Variants in LRRC7 observed in about 807,000 individuals in gnomAD.
LRRC7 encodes the protein leucine-rich repeat-containing protein 7.
LRRC7 carries 23 observed loss-of-function variants against 175.7 expected under a neutral mutation model. That is an observed-to-expected ratio of 0.13 (90% CI 0.09 to 0.19). The LOEUF is 0.19. Ranked by LOEUF, LRRC7 falls within the 10% of genes least tolerant of loss-of-function variation. The pLI, the probability that LRRC7 is intolerant of heterozygous loss-of-function variation, is 1.00. For missense variants in LRRC7, 1,354 were observed against 1,904.7 expected (o/e 0.71, Z 5.38); for synonymous variants, 685 against 680.9 (o/e 1.01, Z -0.09).
chr1:69,886,883 G>A (rs1645646354), intron 7 of LRRC7, among the ~76,000 whole-genome samples: 1 of 151,460 alleles, frequency 6.6e-6, no homozygotes, highest in African/African-American at 2.4e-5. Flanking sequence ...ATGAAGCTTA[G>A]TTTGGCTGGA....
At chr1:69,652,967 A>T (rs566187950) in intron 1 of LRRC7, among the ~76,000 whole-genome samples, 95 of 152,260 alleles carry the variant, frequency 6.2e-4, no homozygotes, top group African/African-American at 2.1e-3. Flanking sequence ...TAAAAATTTA[A>T]AGATAAGATG....
rs946642552 is a variant in LRRC7, at chr1:69,909,410, G to A, written c.648-22097G>A. ...GCATGTTTTTGCAGTGGCTGGTACC[G>A]GTTGTTCCTTTCCATGTTTAGTGCT... On this transcript the variant is annotated intron_variant, in intron 7 of 26. Transcript: ENST00000651989. Among the ~76,000 whole-genome samples the A allele has an allele frequency of 8.8e-4, 134 of 152,234 alleles. 1 individual carries two copies. The highest frequency in any genetic ancestry group is 5.1e-4 in the Non-Finnish European group (35 of 68,014).
intron 8 of LRRC7, among the ~76,000 whole-genome samples, chr1:69,949,345 G>T (rs1296403050): frequency 3.3e-5 from 5 of 152,072 alleles, no homozygotes; most frequent in African/African-American, 1.2e-4. Context: ...GCCTAGGCAG[G>T]CAGATCACCT....
At chr1:69,597,165 A>C (rs1330061612) in intron 1 of LRRC7, among the ~76,000 whole-genome samples, 1 of 152,160 alleles carries the variant, frequency 6.6e-6, no homozygotes, top group Non-Finnish European at 1.5e-5. Context: ...TATGACATTT[A>C]CTTTTAGGTT....
chr1:70,066,057 G>T (rs1661948772), intron 23 of LRRC7, among the ~76,000 whole-genome samples: 1 of 151,956 alleles, frequency 6.6e-6, no homozygotes, highest in Middle Eastern at 3.2e-3. Flanking sequence ...AAAGCAAGTT[G>T]TTACTGATTG....
chr1:69,954,822 A>G lies in LRRC7; in HGVS notation c.711+23252A>G, dbSNP rs542062764. Among the ~76,000 whole-genome samples the G allele has an allele frequency of 3.9e-5, 6 of 152,164 alleles. No individual in the cohort carries two copies. In the East Asian group the frequency reaches 1.2e-3, roughly 29 times the overall value. On this transcript the variant is annotated intron_variant, in intron 8 of 26. Coordinates refer to ENST00000651989, the MANE Select transcript of LRRC7 (RefSeq NM_001370785.2). Reference sequence around the variant, plus strand: ...CTGTCTTATGACATTGTCAGCACCAACCTATACATTTATAATTAATTCACT... The same window carrying G: ...CTGTCTTATGACATTGTCAGCACCAGCCTATACATTTATAATTAATTCACT...
chr1:69,569,099 G>A (rs1477633539), intron 1 of LRRC7, among the ~76,000 whole-genome samples: 1 of 151,952 alleles, frequency 6.6e-6, no homozygotes, highest in East Asian at 1.9e-4. Flanking sequence ...ACACACTTGT[G>A]GCAGGACGCA....
chr1:69,755,470 T>C (rs895761085), intron 2 of LRRC7, among the ~76,000 whole-genome samples: 8 of 147,084 alleles, frequency 5.4e-5, no homozygotes, highest in African/African-American at 2.0e-4. Flanking sequence ...ATAATAAACT[T>C]CAGAAATTTT....
At chr1:70,013,600 G>A (rs913309141) in intron 13 of LRRC7, among the ~76,000 whole-genome samples, 1 of 151,886 alleles carries the variant, frequency 6.6e-6, no homozygotes, top group Non-Finnish European at 1.5e-5. Flanking sequence ...ATGAGGAAAG[G>A]ATAGGTCCTT....
chr1:69,931,605 C>A, intron 8 of LRRC7, 35 bp downstream of exon 8: 1 of 1,501,606 alleles, frequency 6.7e-7, no homozygotes, highest in Non-Finnish European at 9.3e-7. Context: ...TGATAAATAC[C>A]CTTCAGGAGA....
intron 24 of LRRC7, among the ~76,000 whole-genome samples, chr1:70,081,680 C>T (rs1663222413): frequency 6.6e-6 from 1 of 152,162 alleles, no homozygotes; most frequent in Admixed American, 6.6e-5. Context: ...TAGCCAAGCA[C>T]ACAAGTCAAG....
chr1:69,684,519 A>T (rs529577340), intron 2 of LRRC7, among the ~76,000 whole-genome samples: 1 of 152,172 alleles, frequency 6.6e-6, no homozygotes, highest in Non-Finnish European at 1.5e-5. Flanking sequence ...ACCTTTCCTG[A>T]TACTCAATTC....
chr1:70,038,251 C>T lies in LRRC7; in HGVS notation c.2427C>T (p.Gly809=). 1 of 1,614,166 alleles carries T rather than the reference C, an allele frequency of 6.2e-7. No individual in the cohort carries two copies. The highest frequency in any genetic ancestry group is 8.5e-7 in the Non-Finnish European group (1 of 1,180,016). Residue 809 remains glycine, a synonymous_variant, in exon 21 of 27, where the codon GGC becomes GGT. Coordinates refer to ENST00000651989, the MANE Select transcript of LRRC7 (RefSeq NM_001370785.2). ...SDTFTDNWTD[G]SHYDNTGFVA... is the part of the protein sequence containing the mutation. ...CTTTCACTGACAACTGGACTGATGGCTCGCATTATGACAACACAGGGTTTG... is the reference window on the plus strand; with the variant it reads ...CTTTCACTGACAACTGGACTGATGGTTCGCATTATGACAACACAGGGTTTG...
chr1:69,617,181 G>A (rs1269751780), intron 1 of LRRC7, among the ~76,000 whole-genome samples: 2 of 152,080 alleles, frequency 1.3e-5, no homozygotes, highest in Admixed American at 1.3e-4. Flanking sequence ...ACTCACAGCT[G>A]TGATAATTGA....
intron 7 of LRRC7, among the ~76,000 whole-genome samples, chr1:69,900,842 G>A (rs979194709): frequency 6.6e-6 from 1 of 152,094 alleles, no homozygotes; most frequent in Admixed American, 6.5e-5. Context: ...TATTTAAAAT[G>A]GCTAGCTTTA....
chr1:69,994,079 A>G (rs1022542996), intron 10 of LRRC7, among the ~76,000 whole-genome samples: 12 of 152,196 alleles, frequency 7.9e-5, no homozygotes, highest in East Asian at 1.9e-4. Flanking sequence ...GTAAATTTCC[A>G]AGAACATAAT....
At chr1:69,593,216 A>C (rs2100965914) in intron 1 of LRRC7, among the ~76,000 whole-genome samples, 1 of 152,262 alleles carries the variant, frequency 6.6e-6, no homozygotes, top group East Asian at 1.9e-4. Flanking sequence ...TTGAATTATT[A>C]AGAAATCTCA....
At chr1:69,733,273 T>C (rs765609920) in intron 2 of LRRC7, among the ~76,000 whole-genome samples, 1 of 152,062 alleles carries the variant, frequency 6.6e-6, no homozygotes, top group Non-Finnish European at 1.5e-5. Flanking sequence ...TGATACTTGA[T>C]GTTCCCTGTT....
intron 1 of LRRC7, among the ~76,000 whole-genome samples, chr1:69,637,332 AT>A (rs1437393684): frequency 6.6e-6 from 1 of 151,914 alleles, no homozygotes; most frequent in Non-Finnish European, 1.5e-5. Context: ...AAAAAGTATT[AT>A]TGTCTTTACA....
Sources: allele counts gnomAD v4.1 joint callset (sites outside exome capture counted in the v4.1 genomes callset), GRCh38; gene constraint gnomAD v4.1.1; transcripts MANE v1.5; gene names NCBI Gene and HGNC (gene_info 2026-07-23, HGNC 2026-07-21).